Variants in TMC3 observed in about 807,000 individuals in gnomAD.
TMC3 encodes the protein transmembrane channel like 3.
In TMC3, 98 loss-of-function variants were observed where a neutral mutation model predicts 110.6. The observed-to-expected ratio is 0.89, with a 90% CI of 0.75 to 1.05. The LOEUF is 1.05. Among genes scored for constraint, TMC3 ranks in the 50% least tolerant of loss-of-function variants. The probability of loss-of-function intolerance (pLI) is 0.00; values close to 1 mark genes in which losing one functional copy is unlikely to be tolerated. For missense variants in TMC3, 1,319 were observed against 1,373.2 expected (o/e 0.96, Z 0.62); for synonymous variants, 489 against 513.1 (o/e 0.95, Z 0.63).
intron 15 of TMC3, among the ~76,000 whole-genome samples, chr15:81,342,463 A>T (rs1893734922): frequency 6.6e-6 from 1 of 152,230 alleles, no homozygotes; most frequent in South Asian, 2.1e-4. Context: ...TAAATCAGTT[A>T]CTACAGGTAG....
chr15:81,358,294 G>A lies in TMC3; in HGVS notation c.601-3C>T. On this transcript the variant is annotated splice_region_variant and splice_polypyrimidine_tract_variant and intron_variant, in intron 6 of 21. Coordinates refer to ENST00000359440, the MANE Select transcript of TMC3 (RefSeq NM_001080532.3). ...AGGACAGAGTACTGGAGGTAGCCCT[G>A]CAAAGAAAACACTCAGTGTCATTTC... 1 of 1,603,490 alleles carries A rather than the reference G, an allele frequency of 6.2e-7. No homozygotes were observed. Among genetic ancestry groups the A allele is most frequent in the East Asian group, 2.2e-5 (1 of 44,784 alleles).
At position 81,344,900 on chromosome 15, in the gene TMC3, G is replaced by GC; in HGVS notation, c.1383dup (p.Leu462AlafsTer28). On this transcript the variant is annotated frameshift_variant, in exon 13 of 22. Coordinates refer to ENST00000359440, the MANE Select transcript of TMC3 (RefSeq NM_001080532.3). LOFTEE classifies it high-confidence loss of function. ...AAGGCCCATGTGTTGTTTCTCCTGAGCCCCATTCCAGGCCGAGATGTGGAC... is the reference window on the plus strand; with the variant it reads ...AAGGCCCATGTGTTGTTTCTCCTGAGCCCCCATTCCAGGCCGAGATGTGGAC... The GC allele has an allele frequency of 6.2e-7, 1 of 1,613,958 alleles. No homozygotes were observed. Among genetic ancestry groups the GC allele is most frequent in the Non-Finnish European group, 8.5e-7 (1 of 1,179,896 alleles).
intron 5 of TMC3, 36 bp from the exon 6 acceptor site, chr15:81,358,536 G>A: frequency 6.5e-7 from 1 of 1,538,708 alleles, no homozygotes. Flanking sequence ...GTGGTCCTCT[G>A]GGTGGGAGGG....
chr15:81,351,978 C>T, intron 9 of TMC3, 137 bp from the exon 10 acceptor site: 1 of 969,676 alleles, frequency 1.0e-6, no homozygotes, highest in South Asian at 1.8e-5. Flanking sequence ...AATGCACTTC[C>T]AGCCCACCCC....
chr15:81,362,288 A>C lies in TMC3; in HGVS notation c.326T>G (p.Phe109Cys), dbSNP rs1386273323. 1 of 1,612,106 alleles carries C rather than the reference A, an allele frequency of 6.2e-7. No homozygotes were observed. The change falls in exon 4 of 22, where the codon TTT becomes TGT. Residue 109 changes from phenylalanine (F) to cysteine (C), a missense_variant. Physicochemically the swap from Phe to Cys is radical, Grantham distance 205 (BLOSUM62 -2). Transcript: ENST00000359440. ...QAAGAELWRK[F>C]ARLACNFVVI... ...CACAAAGTTACAGGCGAGACGAGCA[A>C]ATTTCCGCCAGAGCTAGACAAGAGG...
chr15:81,367,492 A>G (rs991410634), intron 3 of TMC3, among the ~76,000 whole-genome samples: 6 of 152,250 alleles, frequency 3.9e-5, no homozygotes, highest in African/African-American at 1.4e-4. Flanking sequence ...TTATAAGCAG[A>G]TAATTTTAAT....
Position 81,345,017 on chromosome 15 carries a change from GA to G in TMC3, c.1273-7del. ...TTATTTTTGGTAGCCATTTCCTGGG[GA>G]GAGAGAGAGAGAGAGAGAGGGAAGC... On this transcript the variant is annotated splice_region_variant and splice_polypyrimidine_tract_variant and intron_variant, in intron 12 of 21. Transcript: ENST00000359440. 1.3e-5 allele frequency: 12 copies of G among 890,076 alleles called. No individual in the cohort carries two copies. The highest frequency in any genetic ancestry group is 4.9e-5 in the South Asian group (2 of 41,086). The allele number at this position is 890,076 out of a possible 1,614,324, so 55.1% of individuals were successfully genotyped here. A position where few individuals can be genotyped will look rare whatever the true frequency, so the allele number is the denominator to read the frequency against.
intron 9 of TMC3, among the ~76,000 whole-genome samples, chr15:81,355,185 A>T (rs941921207): frequency 7.9e-5 from 12 of 152,134 alleles, no homozygotes; most frequent in African/African-American, 2.9e-4. Flanking sequence ...AGGGCTAAAT[A>T]ACCAGTAAGG....
chr15:81,365,773 T>C (rs1442860092), intron 3 of TMC3, among the ~76,000 whole-genome samples: 1 of 152,144 alleles, frequency 6.6e-6, no homozygotes, highest in Non-Finnish European at 1.5e-5. Context: ...TTTGGGTTAT[T>C]GAGCTTTGGT....
chr15:81,374,137 A>G lies in TMC3; in HGVS notation c.-60T>C, dbSNP rs1894497992. On this transcript the variant is annotated 5_prime_UTR_variant, in exon 1 of 22. Coordinates refer to ENST00000359440, the MANE Select transcript of TMC3 (RefSeq NM_001080532.3). Reference sequence around the variant, plus strand: ...CCAGAGAGCTAGGAAGTTGGCAGGCAAAGGTCTGTTCCGAGGTTTCTGAAT... The same window carrying G: ...CCAGAGAGCTAGGAAGTTGGCAGGCGAAGGTCTGTTCCGAGGTTTCTGAAT... 7 of 1,497,350 alleles carry G rather than the reference A, an allele frequency of 4.7e-6. No individual in the cohort carries two copies. The highest frequency in any genetic ancestry group is 6.5e-6 in the Non-Finnish European group (7 of 1,081,696). The allele number at this position is 1,497,350 out of a possible 1,614,324, so 92.8% of individuals were successfully genotyped here.
Position 81,358,269 on chromosome 15 carries a change from A to G in TMC3, c.623T>C (p.Leu208Pro). The G allele has an allele frequency of 1.2e-6, 2 of 1,610,602 alleles. No homozygotes were observed. Among genetic ancestry groups the G allele is most frequent in the African/African-American group, 1.3e-5 (1 of 74,878 alleles). The change falls in exon 7 of 22, where the codon CTC (leucine) becomes CCC (proline). Residue 208 changes from leucine to proline, a missense_variant. Transcript: ENST00000359440. Reference sequence around the variant, plus strand: ...CTCCCTGCCGTAATATCCGTAGAAGAGGACAGAGTACTGGAGGTAGCCCTG... The same window carrying G: ...CTCCCTGCCGTAATATCCGTAGAAGGGGACAGAGTACTGGAGGTAGCCCTG... ...SLGGYLQYSV[L>P]FYGYYGRERK...
In TMC3 at chr15:81,333,098, A is replaced by G. The variant is rs538417103; in HGVS notation, c.2624T>C (p.Leu875Ser). ...PPHRGPQASTLLAQGPRPHAP... is the reference protein window; with the variant it reads ...PPHRGPQASTSLAQGPRPHAP... The stretch of plus-strand genomic sequence containing the variant: ...GTGGGGCCTGGGACCCTGTGCCAGC[A>G]AAGTCGAGGCCTGTGGTCCACGGTG... Residue 875 changes from leucine to serine, a missense_variant, in exon 22 of 22, where the codon TTG (leucine) becomes TCG (serine). Leu to Ser is a moderately radical substitution (Grantham distance 145). Transcript: ENST00000359440. 6.8e-6 allele frequency: 11 copies of G among 1,613,940 alleles called. No individual in the cohort carries two copies. Among genetic ancestry groups the G allele is most frequent in the Non-Finnish European group, 8.5e-6 (10 of 1,179,900 alleles).
intron 2 of TMC3, among the ~76,000 whole-genome samples, chr15:81,368,905 A>T (rs1405385459): frequency 8.4e-6 from 1 of 119,098 alleles, no homozygotes; most frequent in African/African-American, 4.3e-5. Context: ...CAGTCCTGAA[A>T]ATGGACTAAA....
intron 5 of TMC3, 102 bp downstream of exon 5, chr15:81,359,263 C>T: frequency 2.3e-6 from 2 of 864,100 alleles, no homozygotes; most frequent in Non-Finnish European, 3.6e-6. Context: ...TACACAAACA[C>T]ATATATTTTC....
At position 81,362,206 on chromosome 15, in the gene TMC3, G is replaced by A; in HGVS notation, c.394+14C>T. 2 of 1,594,250 alleles carry A rather than the reference G, an allele frequency of 1.3e-6. No homozygotes were observed. Among genetic ancestry groups the A allele is most frequent in the Non-Finnish European group, 1.7e-6 (2 of 1,168,706 alleles). The stretch of plus-strand genomic sequence containing the variant: ...ATTGCATTCCTGCCCCACTCTCCAG[G>A]TGTAAATACTTACTCTCGATTTTCT... On this transcript the variant is annotated intron_variant, in intron 4 of 21. Transcript: ENST00000359440.
intron 1 of TMC3, 96 bp downstream of exon 1, chr15:81,373,893 G>A: frequency 8.7e-7 from 1 of 1,148,242 alleles, no homozygotes; most frequent in Non-Finnish European, 1.3e-6. Context: ...GGACAACTGA[G>A]CAGGACAGGG....
rs1445879610 is a variant in TMC3, at chr15:81,344,831, C to T, written c.1453G>A (p.Ala485Thr). ...TGAGTGTGGAGGCTAGTCTTGTTGG[C>T]CTTTATAAGAGGCATGGTATAAGCT... ...ISAYTMPLIK[A>T]NKTSLHTQSP... Residue 485 changes from alanine (A) to threonine (T), a missense_variant, in exon 13 of 22, where the codon GCC becomes ACC. Physicochemically the swap from Ala to Thr is moderately conservative, Grantham distance 58. Coordinates refer to ENST00000359440, the MANE Select transcript of TMC3 (RefSeq NM_001080532.3). The T allele has an allele frequency of 2.5e-6, 4 of 1,613,850 alleles. No individual in the cohort carries two copies. Among genetic ancestry groups the T allele is most frequent in the Admixed American group, 1.7e-5 (1 of 60,000 alleles).
At chr15:81,355,093 G>A (rs1335154244) in intron 9 of TMC3, among the ~76,000 whole-genome samples, 2 of 152,082 alleles carry the variant, frequency 1.3e-5, no homozygotes, top group African/African-American at 2.4e-5. Flanking sequence ...TATTCCAGAG[G>A]CTGGGTGTGT....
chr15:81,371,190 C>T (rs1301435105), intron 2 of TMC3, among the ~76,000 whole-genome samples: 1 of 152,116 alleles, frequency 6.6e-6, no homozygotes, highest in Non-Finnish European at 1.5e-5. Context: ...GCCATCCTTA[C>T]TCAAATAAAT....
Sources: gnomAD v4.1 joint callset for allele counts (sites outside exome capture counted in the v4.1 genomes callset) on GRCh38, gnomAD v4.1.1 for gene constraint, MANE v1.5 for transcripts, NCBI Gene and HGNC (gene_info 2026-07-23, HGNC 2026-07-21) for gene names.